The following ELAVL4 variants were observed in gnomAD, a reference collection of about 807,000 sequenced individuals.
ELAVL4 encodes the protein ELAV like RNA binding protein 4, also known as ELAV-like protein 4.
Under a neutral mutation model 35.6 loss-of-function variants are expected in ELAVL4, and 1 was observed. That is an observed-to-expected ratio of 0.03 (90% CI 0.01 to 0.13). The LOEUF (loss-of-function observed/expected upper bound fraction) is 0.13, where lower values mean the gene tolerates loss of function less well. Ranked by LOEUF, ELAVL4 falls within the 10% of genes least tolerant of loss-of-function variation. The probability of loss-of-function intolerance (pLI) is 1.00; values close to 1 mark genes in which losing one functional copy is unlikely to be tolerated. For synonymous variants in ELAVL4, 156 were observed against 171.0 expected (o/e 0.91, Z 0.69); for missense variants, 267 against 464.9 (o/e 0.57, Z 3.91).
At chr1:50,150,735 C>A (rs1674639083) in intron 2 of ELAVL4, among the ~76,000 whole-genome samples, 1 of 152,092 alleles carries the variant, frequency 6.6e-6, no homozygotes, top group African/African-American at 2.4e-5. Context: ...ACTATATAAA[C>A]AATAAAAGGC....
chr1:50,082,535 T>A (rs1464135601), intron 1 of ELAVL4, among the ~76,000 whole-genome samples: 2 of 152,222 alleles, frequency 1.3e-5, no homozygotes, highest in Admixed American at 1.3e-4. Context: ...TGTTTTTTTC[T>A]TGTAAATTTG....
rs563905738 is a variant in ELAVL4, at chr1:50,092,305, G to A, written c.18+44123G>A. 1.1e-4 allele frequency among the ~76,000 whole-genome samples: 17 copies of A among 152,294 alleles called. No homozygotes were observed. In the South Asian group the frequency reaches 3.1e-3, roughly 28 times the overall value. ...GACATTTGAGCTGAATCTTATAGGT[G>A]TATGACCATCAGACACACAAGGGGT... On this transcript the variant is annotated intron_variant, in intron 1 of 6. Coordinates refer to the ELAVL4 transcript ENST00000448907.
chr1:50,060,682 C>A (rs527978159), intron 1 of ELAVL4, among the ~76,000 whole-genome samples: 95 of 152,348 alleles, frequency 6.2e-4, no homozygotes, highest in African/African-American at 2.2e-3. Context: ...TACTTTCCCA[C>A]TGTCACCTGC....
Position 50,144,945 on chromosome 1 carries a change from A to G in ELAVL4, c.10-12A>G, listed in dbSNP as rs1296590110. Reference sequence around the variant, plus strand: ...TCAAAAGGCTTTTTCAATTGTTTTTATTTTTATTTAGATAATTAGCACCAT... The same window carrying G: ...TCAAAAGGCTTTTTCAATTGTTTTTGTTTTTATTTAGATAATTAGCACCAT... On this transcript the variant is annotated splice_polypyrimidine_tract_variant and intron_variant, in intron 1 of 6. Coordinates refer to ENST00000371824, the MANE Select transcript of ELAVL4 (RefSeq NM_001144774.3). 6.3e-7 allele frequency: 1 copy of G among 1,599,966 alleles called. No individual in the cohort carries two copies. Among genetic ancestry groups the G allele is most frequent in the South Asian group, 1.1e-5 (1 of 87,918 alleles).
chr1:50,098,466 T>C (rs1054153504), intron 1 of ELAVL4, among the ~76,000 whole-genome samples: 3 of 152,212 alleles, frequency 2.0e-5, no homozygotes, highest in African/African-American at 7.2e-5. Context: ...TACCTCATAA[T>C]ATCATAAAGG....
chr1:50,073,136 A>T (rs1478381774), intron 1 of ELAVL4, among the ~76,000 whole-genome samples: 1 of 152,202 alleles, frequency 6.6e-6, no homozygotes, highest in Non-Finnish European at 1.5e-5. Context: ...CTTTGCACAG[A>T]CACACAGTCT....
intron 1 of ELAVL4, among the ~76,000 whole-genome samples, chr1:50,141,249 G>A (rs894765431): frequency 1.3e-5 from 2 of 152,188 alleles, no homozygotes; most frequent in African/African-American, 4.8e-5. Flanking sequence ...CAAATAAGCT[G>A]CCTTGGTGTG....
chr1:50,114,378 T>C (rs1667592587), intron 1 of ELAVL4, among the ~76,000 whole-genome samples: 1 of 152,040 alleles, frequency 6.6e-6, no homozygotes, highest in Admixed American at 6.6e-5. Context: ...TGTGTGTGTA[T>C]TAGGAACATC....
At chr1:50,072,036 T>G (rs1481628377) in intron 1 of ELAVL4, among the ~76,000 whole-genome samples, 1 of 152,142 alleles carries the variant, frequency 6.6e-6, no homozygotes, top group Non-Finnish European at 1.5e-5. Flanking sequence ...CTTGTAAAGA[T>G]TTGGATCTCT....
intron 3 of ELAVL4, among the ~76,000 whole-genome samples, chr1:50,188,139 A>G (rs983228319): frequency 3.3e-5 from 5 of 152,138 alleles, no homozygotes; most frequent in Admixed American, 3.3e-4. Context: ...AGGATGCCTC[A>G]TGAGGTGGTG....
chr1:50,164,707 T>C (rs1677427134), intron 2 of ELAVL4, among the ~76,000 whole-genome samples: 1 of 152,194 alleles, frequency 6.6e-6, no homozygotes, highest in South Asian at 2.1e-4. Context: ...TTCACATGTG[T>C]CTTATGGGAT....
intron 2 of ELAVL4, among the ~76,000 whole-genome samples, chr1:50,173,306 T>G (rs1189729635): frequency 6.6e-6 from 1 of 152,218 alleles, no homozygotes; most frequent in East Asian, 1.9e-4. Flanking sequence ...TGCCTATGCT[T>G]TATAAAAACA....
At chr1:50,153,351 A>G (rs1675133938) in intron 2 of ELAVL4, among the ~76,000 whole-genome samples, 1 of 152,212 alleles carries the variant, frequency 6.6e-6, no homozygotes, top group South Asian at 2.1e-4. Flanking sequence ...ATGTTATCTC[A>G]TTGAAGCTTT....
chr1:50,102,679 A>G (rs920741860), upstream of ELAVL4, among the ~76,000 whole-genome samples: 11 of 152,182 alleles, frequency 7.2e-5, no homozygotes, highest in Non-Finnish European at 1.2e-4. Context: ...GATTTATAAA[A>G]ATTTATACAT....
At chr1:50,108,109 C>T (rs1035990945), upstream of ELAVL4, among the ~76,000 whole-genome samples, 2 of 152,190 alleles carry the variant, frequency 1.3e-5, no homozygotes, top group African/African-American at 4.8e-5. Context: ...AAATTCAGAT[C>T]ATGTTCCTAT....
intron 1 of ELAVL4, among the ~76,000 whole-genome samples, chr1:50,116,453 C>T (rs1667971445): frequency 6.6e-6 from 1 of 150,950 alleles, no homozygotes; most frequent in African/African-American, 2.4e-5. Flanking sequence ...GTGTTGTAGA[C>T]AGCTGGGAGC....
intron 2 of ELAVL4, among the ~76,000 whole-genome samples, chr1:50,163,079 C>T (rs1055791241): frequency 2.0e-5 from 3 of 152,176 alleles, no homozygotes; most frequent in Non-Finnish European, 2.9e-5. Flanking sequence ...CTATAAATTT[C>T]GTGACAGTTC....
intron 1 of ELAVL4, among the ~76,000 whole-genome samples, chr1:50,077,718 G>C (rs900339853): frequency 6.6e-6 from 1 of 152,160 alleles, no homozygotes; most frequent in African/African-American, 2.4e-5. Flanking sequence ...ACACATGAAA[G>C]GAAGTATCAC....
At chr1:50,106,020 A>G, upstream of ELAVL4, 1 of 337,328 alleles carries the variant, frequency 3.0e-6, no homozygotes, top group Non-Finnish European at 5.3e-6. Context: ...CCCTATATTT[A>G]TGAAGGATTC....
Sources: allele counts gnomAD v4.1 joint callset (sites outside exome capture counted in the v4.1 genomes callset), GRCh38; gene constraint gnomAD v4.1.1; transcripts MANE v1.5; gene names NCBI Gene and HGNC (gene_info 2026-07-23, HGNC 2026-07-21).